The following SHISA6 variants were observed in gnomAD, a reference collection of about 807,000 sequenced individuals.
The protein encoded by SHISA6 is protein shisa-6.
SHISA6 carries 22 observed loss-of-function variants against 47.9 expected under a neutral mutation model. The observed-to-expected ratio is 0.46, with a 90% confidence interval of 0.33 to 0.66. SHISA6 has a LOEUF of 0.66. Among genes scored for constraint, SHISA6 ranks in the 30% least tolerant of loss-of-function variants. The probability of loss-of-function intolerance (pLI) is 0.02; values close to 1 mark genes in which losing one functional copy is unlikely to be tolerated. For missense variants in SHISA6, 680 were observed against 764.6 expected, an observed-to-expected ratio of 0.89 and a Z score of 1.30; for synonymous variants, 388 against 337.8, an observed-to-expected ratio of 1.15 and a Z score of -1.63.
intron 1 of SHISA6, among the ~76,000 whole-genome samples, chr17:11,250,021 A>T (rs1489671643): frequency 6.6e-6 from 1 of 152,234 alleles, no homozygotes; most frequent in African/African-American, 2.4e-5. Flanking sequence ...TTTATGCTTT[A>T]TCCGTGTGTC....
chr17:11,511,106 TA>T (rs1190238605), intron 3 of SHISA6, among the ~76,000 whole-genome samples: 1 of 152,038 alleles, frequency 6.6e-6, no homozygotes, highest in Non-Finnish European at 1.5e-5. Flanking sequence ...TATGCAGCCA[TA>T]AAAAAGAATG....
chr17:11,395,513 CTTT>C (rs886287303), intron 3 of SHISA6, among the ~76,000 whole-genome samples: 1 of 117,412 alleles, frequency 8.5e-6, no homozygotes, highest in Non-Finnish European at 1.8e-5. Context: ...GGCAGTTTTA[CTTT>C]TTTTTTTTTT....
chr17:11,530,633 C>T (rs973542723), intron 3 of SHISA6, among the ~76,000 whole-genome samples: 10 of 152,128 alleles, frequency 6.6e-5, no homozygotes, highest in Non-Finnish European at 1.2e-4. Flanking sequence ...AGACATCCCC[C>T]GCTTGATCAC....
At chr17:11,285,984 G>A (rs927910234) in intron 2 of SHISA6, among the ~76,000 whole-genome samples, 2 of 151,950 alleles carry the variant, frequency 1.3e-5, no homozygotes, top group Non-Finnish European at 2.9e-5. Context: ...TTACAGGCAC[G>A]TGCCACCACG....
chr17:11,336,673 C>G (rs113089284), intron 2 of SHISA6, among the ~76,000 whole-genome samples: 9 of 152,324 alleles, frequency 5.9e-5, no homozygotes, highest in African/African-American at 2.2e-4. Context: ...TGGACAGAAA[C>G]TGAGCCACCA....
intron 3 of SHISA6, among the ~76,000 whole-genome samples, chr17:11,416,780 A>G (rs979165801): frequency 1.3e-5 from 2 of 152,318 alleles, no homozygotes; most frequent in South Asian, 2.1e-4. Flanking sequence ...CAGGAAAGAC[A>G]TAGTAAAACT....
At chr17:11,395,920 T>C (rs1009660807) in intron 3 of SHISA6, among the ~76,000 whole-genome samples, 3 of 152,200 alleles carry the variant, frequency 2.0e-5, no homozygotes, top group Non-Finnish European at 2.9e-5. Flanking sequence ...GCATCTTTGC[T>C]TTGTTTCTGA....
At chr17:11,389,187 T>C (rs1175737865) in intron 3 of SHISA6, among the ~76,000 whole-genome samples, 1 of 152,050 alleles carries the variant, frequency 6.6e-6, no homozygotes, top group Non-Finnish European at 1.5e-5. Flanking sequence ...GGAGACTCAC[T>C]CATATCCCTG....
chr17:11,524,961 C>T (rs1035206856), intron 3 of SHISA6, among the ~76,000 whole-genome samples: 8 of 151,892 alleles, frequency 5.3e-5, no homozygotes, highest in Non-Finnish European at 1.0e-4. Flanking sequence ...CCTGAGATGA[C>T]GGGGGGGTAG....
intron 2 of SHISA6, among the ~76,000 whole-genome samples, chr17:11,334,671 C>T (rs1911257771): frequency 6.6e-6 from 1 of 152,230 alleles, no homozygotes; most frequent in Non-Finnish European, 1.5e-5. Context: ...ATGCCAACAT[C>T]ACCTGTGACA....
chr17:11,400,256 G>A (rs758616951), intron 3 of SHISA6, among the ~76,000 whole-genome samples: 13 of 152,302 alleles, frequency 8.5e-5, no homozygotes, highest in Non-Finnish European at 1.6e-4. Context: ...GGGAAAGGGA[G>A]AAACTGACGT....
intron 3 of SHISA6, among the ~76,000 whole-genome samples, chr17:11,484,346 C>G (rs1205673665): frequency 3.3e-5 from 5 of 152,144 alleles, no homozygotes; most frequent in Non-Finnish European, 7.3e-5. Context: ...AAGATCTGCA[C>G]ACACAAAATA....
rs183475268 is a variant in SHISA6, at chr17:11,402,767, T to A, written c.895+23258T>A. Among the ~76,000 whole-genome samples the A allele has an allele frequency of 2.6e-4, 40 of 152,322 alleles. No individual in the cohort carries two copies. The East Asian group carries it at 6.4e-3, about 24-fold the overall frequency. ...AAAGAAAGCCAAAACAATTAGTGGA[T>A]ATGATGAGATACATCACTTCCTTGT... On this transcript the variant is annotated intron_variant, in intron 3 of 5. Coordinates refer to ENST00000441885, the MANE Select transcript of SHISA6 (RefSeq NM_207386.4).
rs141377919 is a variant in SHISA6, at chr17:11,268,400, C to CTACTACCTTCTG, written c.799+4875_799+4886dup. 3.8e-3 allele frequency among the ~76,000 whole-genome samples: 576 copies of CTACTACCTTCTG among 152,280 alleles called. 5 individuals are homozygous for CTACTACCTTCTG. Among genetic ancestry groups the CTACTACCTTCTG allele is most frequent in the African/African-American group, 0.011 (441 of 41,558 alleles). ...CCCCACGCCTCTCTGACCTCAACCC[C>CTACTACCTTCTG]TACTACCTTCTGCTTCCCTCCTAGG... On this transcript the variant is annotated intron_variant, in intron 2 of 5. Transcript: ENST00000441885.
At chr17:11,500,981 T>G (rs529643173) in intron 3 of SHISA6, among the ~76,000 whole-genome samples, 1 of 152,168 alleles carries the variant, frequency 6.6e-6, no homozygotes, top group African/African-American at 2.4e-5. Flanking sequence ...GAGTCCCTTC[T>G]TACACATGAA....
intron 4 of SHISA6, among the ~76,000 whole-genome samples, chr17:11,553,887 T>C (rs1363024423): frequency 6.6e-6 from 1 of 152,148 alleles, no homozygotes; most frequent in Non-Finnish European, 1.5e-5. Flanking sequence ...AGATGGGACA[T>C]TGGCACAGCA....
chr17:11,422,006 T>C (rs991497981), intron 3 of SHISA6, among the ~76,000 whole-genome samples: 1 of 152,148 alleles, frequency 6.6e-6, no homozygotes, highest in Non-Finnish European at 1.5e-5. Context: ...AGAAGAATTA[T>C]TATGTCAGCG....
At chr17:11,520,003 C>T (rs1157351363) in intron 3 of SHISA6, among the ~76,000 whole-genome samples, 1 of 152,066 alleles carries the variant, frequency 6.6e-6, no homozygotes, top group African/African-American at 2.4e-5. Context: ...CTCTCCTAGA[C>T]CTTTTCTCTC....
At chr17:11,443,246 A>G (rs770104799) in intron 3 of SHISA6, among the ~76,000 whole-genome samples, 2 of 152,210 alleles carry the variant, frequency 1.3e-5, no homozygotes, top group Non-Finnish European at 2.9e-5. Flanking sequence ...ACATCTCAAC[A>G]TAAAGTGTAT....
Sources: allele counts gnomAD v4.1 joint callset (sites outside exome capture counted in the v4.1 genomes callset), GRCh38; gene constraint gnomAD v4.1.1; transcripts MANE v1.5; gene names NCBI Gene and HGNC (gene_info 2026-07-23, HGNC 2026-07-21).